MAPK4: variants seen among roughly 807,000 people sequenced by gnomAD.
MAPK4 encodes Erk3-related.
A neutral mutation model predicts 47.7 loss-of-function variants in MAPK4; 22 were observed. That is an observed-to-expected ratio of 0.46 (90% CI 0.33 to 0.66). MAPK4 has a LOEUF of 0.66. MAPK4 is among the 30% of genes least tolerant of loss of function. MAPK4 has a pLI of 0.02. For missense variants in MAPK4, 736 were observed against 831.7 expected (o/e 0.88, Z 1.42); for synonymous variants, 390 against 365.7 (o/e 1.07, Z -0.76).
chr18:50,637,797 G>A (rs905398541), intron 1 of MAPK4, among the ~76,000 whole-genome samples: 2 of 152,180 alleles, frequency 1.3e-5, no homozygotes, highest in Admixed American at 6.5e-5. Flanking sequence ...TTCTCACTGC[G>A]TCCTCACGTG....
At chr18:50,584,506 A>G (rs2042372833) in intron 1 of MAPK4, among the ~76,000 whole-genome samples, 1 of 152,248 alleles carries the variant, frequency 6.6e-6, no homozygotes, top group Non-Finnish European at 1.5e-5. Flanking sequence ...AAGATAGTGA[A>G]AATATGAGAG....
chr18:50,563,017 T>C (rs1487562396), intron 1 of MAPK4, among the ~76,000 whole-genome samples: 3 of 152,216 alleles, frequency 2.0e-5, no homozygotes, highest in Non-Finnish European at 2.9e-5. Context: ...CTTGGTACAA[T>C]GATTTTTTTC....
In MAPK4 at chr18:50,715,262, G is replaced by A. The variant is rs28505109; in HGVS notation, c.691+39G>A. On this transcript the variant is annotated intron_variant, in intron 3 of 5. Transcript: ENST00000400384. ...TATGCCACCTTCCTTCTCATCTGGC[G>A]TCGTTCCATAGAAAGGGGAACTGAG... 1,900 of 1,590,578 alleles carry A rather than the reference G, an allele frequency of 1.2e-3. 19 individuals are homozygous for A. The African/African-American group carries it at 0.022, about 18-fold the overall frequency.
intron 2 of MAPK4, among the ~76,000 whole-genome samples, chr18:50,711,110 T>C (rs1234768887): frequency 1.3e-5 from 2 of 152,226 alleles, no homozygotes; most frequent in Non-Finnish European, 2.9e-5. Flanking sequence ...GAGGGCTGCT[T>C]CCCTGCTCCC....
chr18:50,681,380 A>T (rs929215043), intron 2 of MAPK4, among the ~76,000 whole-genome samples: 1 of 151,992 alleles, frequency 6.6e-6, no homozygotes, highest in South Asian at 2.1e-4. Context: ...TGTCTTTTTC[A>T]CTTCCTTGAT....
chr18:50,604,280 T>C (rs2042564748), intron 1 of MAPK4, among the ~76,000 whole-genome samples: 1 of 152,234 alleles, frequency 6.6e-6, no homozygotes, highest in Admixed American at 6.5e-5. Context: ...GGCAGGAAAG[T>C]ATGTGATATG....
chr18:50,663,093 G>A lies in MAPK4; in HGVS notation c.-866G>A, dbSNP rs142956846. 6.6e-6 allele frequency: 1 copy of A among 152,258 alleles called. No homozygotes were observed. Among genetic ancestry groups the A allele is most frequent in the Non-Finnish European group, 1.5e-5 (1 of 68,070 alleles). 9.4% of individuals were successfully genotyped at this position (152,258 alleles called of 1,614,324 possible). Reference sequence around the variant, plus strand: ...CCAACGTTATTTCTTTGACAGGGAAGGAGACTTGGTCTGAAAGATGCCACA... The same window carrying A: ...CCAACGTTATTTCTTTGACAGGGAAAGAGACTTGGTCTGAAAGATGCCACA... On this transcript the variant is annotated 5_prime_UTR_variant, in exon 2 of 6. Transcript: ENST00000400384.
chr18:50,592,545 T>C (rs2042446467), intron 1 of MAPK4, among the ~76,000 whole-genome samples: 1 of 152,220 alleles, frequency 6.6e-6, no homozygotes, highest in Non-Finnish European at 1.5e-5. Context: ...GGTGTCTGTC[T>C]TCTTTCTTTC....
In MAPK4 at chr18:50,695,031, T is replaced by C. The variant is rs115392504; in HGVS notation, c.547-20048T>C. Among the ~76,000 whole-genome samples, 819 of 152,230 alleles carry C rather than the reference T, an allele frequency of 5.4e-3. 5 individuals are homozygous for C. The highest frequency in any genetic ancestry group is 0.018 in the African/African-American group (758 of 41,536). ...TTGCTCTCTGCCTGTCAGAAGCTGA[T>C]GATTGAACCGGAAAGACAAGAACAT... On this transcript the variant is annotated intron_variant, in intron 2 of 5. Coordinates refer to ENST00000400384, the MANE Select transcript of MAPK4 (RefSeq NM_002747.4).
chr18:50,682,841 C>G (rs577865921), intron 2 of MAPK4, among the ~76,000 whole-genome samples: 1 of 152,176 alleles, frequency 6.6e-6, no homozygotes, highest in Non-Finnish European at 1.5e-5. Flanking sequence ...AAATGTCCAT[C>G]AACATTCAAA....
chr18:50,702,597 A>AT (rs1339413276), intron 2 of MAPK4, among the ~76,000 whole-genome samples: 1 of 151,898 alleles, frequency 6.6e-6, no homozygotes, highest in Non-Finnish European at 1.5e-5. Context: ...ATAAATATTC[A>AT]TTTTCATATC....
intron 1 of MAPK4, among the ~76,000 whole-genome samples, chr18:50,638,896 A>C (rs2042913228): frequency 6.6e-6 from 1 of 152,134 alleles, no homozygotes; most frequent in South Asian, 2.1e-4. Flanking sequence ...CAGGGAACTG[A>C]GACTCAGCAG....
At chr18:50,689,380 A>G (rs1388166939) in intron 2 of MAPK4, among the ~76,000 whole-genome samples, 1 of 150,568 alleles carries the variant, frequency 6.6e-6, no homozygotes, top group Non-Finnish European at 1.5e-5. Flanking sequence ...CAGCCTGGGC[A>G]ACAAGAGTTT....
At position 50,645,728 on chromosome 18, in the gene MAPK4, A is replaced by G. The variant is rs192930310; in HGVS notation, c.-870-17361A>G. ...CAGCTCTTAGTAGGTGTCCTGGGGC[A>G]TTTAATTCACTCAGGCAGCAGAGCC... On this transcript the variant is annotated intron_variant, in intron 1 of 5. Coordinates refer to ENST00000400384, the MANE Select transcript of MAPK4 (RefSeq NM_002747.4). Among the ~76,000 whole-genome samples, 14 of 152,264 alleles carry G rather than the reference A, an allele frequency of 9.2e-5. No homozygotes were observed. In the South Asian group the frequency reaches 1.2e-3, roughly 14 times the overall value.
chr18:50,729,515 G>T lies in MAPK4; in HGVS notation c.1425G>T (p.Gly475=). The T allele has an allele frequency of 6.9e-7, 1 of 1,444,636 alleles. No individual in the cohort carries two copies. The highest frequency in any genetic ancestry group is 2.5e-5 in the East Asian group (1 of 39,556). 89.5% of individuals were successfully genotyped at this position (1,444,636 alleles called of 1,614,324 possible). Residue 475 remains glycine (G), a synonymous_variant, in exon 6 of 6, where the codon GGG becomes GGT. Coordinates refer to ENST00000400384, the MANE Select transcript of MAPK4 (RefSeq NM_002747.4). ...CCGGCGCGCCCCCCACGGCCACGGGGCTGGCGGACACGGGGGCGCGCGAGG... is the reference window on the plus strand; with the variant it reads ...CCGGCGCGCCCCCCACGGCCACGGGTCTGGCGGACACGGGGGCGCGCGAGG... ...QAAGAPPTAT[G]LADTGAREDE... is the part of the protein sequence containing the mutation.
chr18:50,665,388 G>A (rs9966545), intron 2 of MAPK4, among the ~76,000 whole-genome samples: 16,625 of 152,284 alleles, frequency 0.11, 1,026 homozygotes, highest in Non-Finnish European at 0.14. Flanking sequence ...CAACAGAGCT[G>A]GGGGCTGGCT....
intron 2 of MAPK4, among the ~76,000 whole-genome samples, chr18:50,688,750 G>T (rs1319019744): frequency 2.0e-5 from 3 of 151,990 alleles, no homozygotes; most frequent in Non-Finnish European, 4.4e-5. Flanking sequence ...GGGTGGGAGG[G>T]GGGTGAGGGA....
chr18:50,649,004 C>T (rs530353556), intron 1 of MAPK4, among the ~76,000 whole-genome samples: 1 of 152,326 alleles, frequency 6.6e-6, no homozygotes, highest in Admixed American at 6.5e-5. Flanking sequence ...CAAAATGATC[C>T]ACAGGGTGAA....
intron 1 of MAPK4, among the ~76,000 whole-genome samples, chr18:50,609,410 C>T (rs973165082): frequency 5.9e-5 from 9 of 151,634 alleles, no homozygotes; most frequent in South Asian, 2.1e-4. Context: ...CCCTCCCGGA[C>T]GGGGCGGCGA....
Sources: gnomAD v4.1 joint callset for allele counts (sites outside exome capture counted in the v4.1 genomes callset) on GRCh38, gnomAD v4.1.1 for gene constraint, MANE v1.5 for transcripts, NCBI Gene and HGNC (gene_info 2026-07-23, HGNC 2026-07-21) for gene names.